DEPDC1: variants seen among roughly 807,000 people sequenced by gnomAD.
The protein encoded by DEPDC1 is DEP domain-containing protein 1A.
A neutral mutation model predicts 86.8 loss-of-function variants in DEPDC1; 66 were observed. The observed-to-expected ratio is 0.76, with a 90% CI of 0.62 to 0.93. DEPDC1 has a LOEUF of 0.93. Ranked by LOEUF, DEPDC1 falls within the 40% of genes least tolerant of loss-of-function variation. The pLI, the probability that DEPDC1 is intolerant of heterozygous loss-of-function variation, is 0.00. For missense variants in DEPDC1, 792 were observed against 935.7 expected (o/e 0.85, Z 2.00); for synonymous variants, 255 against 314.9 (o/e 0.81, Z 2.02).
rs114444185 is a variant in DEPDC1 at position 68,496,144 on chromosome 1, T to C, written c.48+808A>G. Among the ~76,000 whole-genome samples the C allele has an allele frequency of 0.011, 1,643 of 152,330 alleles. 27 individuals carry two copies. The highest frequency in any genetic ancestry group is 0.038 in the African/African-American group (1,570 of 41,578). ...TGTGCACCTGATAAAGTAGGGCTAA[T>C]AATACATGCTCGTCTGAAGGGCATT... On this transcript the variant is annotated intron_variant, in intron 1 of 11. Coordinates refer to ENST00000456315, the MANE Select transcript of DEPDC1 (RefSeq NM_001114120.3). The surrounding 1 kb of genome is among the most constrained non-coding windows in gnomAD (Gnocchi z 4.0).
At chr1:68,494,035 C>T (rs1286628013) in intron 2 of DEPDC1, among the ~76,000 whole-genome samples, 1 of 152,104 alleles carries the variant, frequency 6.6e-6, no homozygotes, top group African/African-American at 2.4e-5. Flanking sequence ...GTAAGATTTG[C>T]TATTATCCTA....
intron 2 of DEPDC1, among the ~76,000 whole-genome samples, chr1:68,491,461 G>A (rs1322575220): frequency 6.6e-6 from 1 of 152,098 alleles, no homozygotes; most frequent in African/African-American, 2.4e-5. Context: ...AAACTATAAT[G>A]AGATACCATC....
At chr1:68,487,803 C>T (rs1478036535) in intron 5 of DEPDC1, among the ~76,000 whole-genome samples, 2 of 151,874 alleles carry the variant, frequency 1.3e-5, no homozygotes, top group African/African-American at 4.8e-5. Flanking sequence ...TTTTCTAATA[C>T]ATCTATCTAG....
intron 10 of DEPDC1, 22 bp from the exon 11 acceptor site, chr1:68,477,994 A>C: frequency 6.8e-7 from 1 of 1,469,580 alleles, no homozygotes; most frequent in Non-Finnish European, 9.1e-7. Flanking sequence ...AAAATGATAT[A>C]ACTCTGTTAA....
Position 68,494,415 on chromosome 1 carries a change from A to G in DEPDC1, c.314+15T>C, listed in dbSNP as rs575099880. The G allele has an allele frequency of 3.1e-5, 50 of 1,606,174 alleles. No individual in the cohort carries two copies. Among genetic ancestry groups the G allele is most frequent in the East Asian group, 2.7e-4 (12 of 44,722 alleles). On this transcript the variant is annotated intron_variant, in intron 2 of 11. Transcript: ENST00000456315. ...TACAGTAATTCAGTTTTACAGTTAC[A>G]TATCTGTTCATTACCTGAAGAGCTG... is the stretch of plus-strand genomic sequence containing the variant.
At chr1:68,483,389 A>G (rs1459668218) in intron 7 of DEPDC1, 1 of 487,926 alleles carries the variant, frequency 2.0e-6, no homozygotes, top group Non-Finnish European at 4.0e-6. Flanking sequence ...AGGGCCGGCC[A>G]TGGTTTGAAT....
At chr1:68,480,520 T>C (rs1005381512) in intron 9 of DEPDC1, among the ~76,000 whole-genome samples, 1 of 151,936 alleles carries the variant, frequency 6.6e-6, no homozygotes, top group African/African-American at 2.4e-5. Flanking sequence ...AATGACCAAA[T>C]CAATTTGCAT....
rs1397895738 is a variant in DEPDC1 at position 68,474,964 on chromosome 1, GT to G, written c.*1967del. On this transcript the variant is annotated 3_prime_UTR_variant, in exon 12 of 12. Coordinates refer to ENST00000456315, the MANE Select transcript of DEPDC1 (RefSeq NM_001114120.3). ...CACATTTTTGCTAAGATCTCTTCTA[GT>G]GCTATAATCCTAGGTGATTCTAGTA... 1.3e-5 allele frequency: 2 copies of G among 152,048 alleles called. No individual in the cohort carries two copies. The highest frequency in any genetic ancestry group is 1.3e-4 in the Admixed American group (2 of 15,248). 9.4% of individuals were successfully genotyped at this position (152,048 alleles called of 1,614,324 possible).
At position 68,482,784 on chromosome 1, in the gene DEPDC1, T is replaced by C. The variant is rs750552604; in HGVS notation, c.1024A>G (p.Thr342Ala). The change falls in exon 8 of 12, where the codon ACT (threonine) becomes GCT (alanine). Residue 342 changes from threonine (T) to alanine (A), a missense_variant. Physicochemically the swap from Thr to Ala is moderately conservative, Grantham distance 58. Coordinates refer to ENST00000456315, the MANE Select transcript of DEPDC1 (RefSeq NM_001114120.3). ...AGCAGACTGAGAAGAAGGCACTCAGTTGATTTGAAGGAATTCAAATTGTTT... is the reference window on the plus strand; with the variant it reads ...AGCAGACTGAGAAGAAGGCACTCAGCTGATTTGAAGGAATTCAAATTGTTT... ...HLNNLNSFKSTECLLLSLLHR... is the reference protein window; with the variant it reads ...HLNNLNSFKSAECLLLSLLHR... 2.7e-5 allele frequency: 44 copies of C among 1,612,502 alleles called. No individual in the cohort carries two copies. The highest frequency in any genetic ancestry group is 3.3e-5 in the Non-Finnish European group (39 of 1,179,206).
At position 68,482,405 on chromosome 1, in the gene DEPDC1, T is replaced by G. The variant is rs1248736508; in HGVS notation, c.1403A>C (p.Asn468Thr). The change falls in exon 8 of 12, where the codon AAT becomes ACT. Residue 468 changes from asparagine (N) to threonine (T), a missense_variant. Asn to Thr is a moderately conservative substitution (Grantham distance 65). Coordinates refer to ENST00000456315, the MANE Select transcript of DEPDC1 (RefSeq NM_001114120.3). ...TTGAATATTTTCCTCTGAATGAAGA[T>G]TCAACAGGAATTCCTGTTTGGGCTT... ...ESKPKQEFLL[N>T]LHSEENIQKP... The G allele has an allele frequency of 3.1e-6, 5 of 1,612,696 alleles. No homozygotes were observed.
At chr1:68,491,928 T>A (rs1646231766) in intron 2 of DEPDC1, among the ~76,000 whole-genome samples, 1 of 151,512 alleles carries the variant, frequency 6.6e-6, no homozygotes, top group African/African-American at 2.4e-5. Flanking sequence ...TAATTTTTTT[T>A]TTTTTTTTTG....
chr1:68,494,408 C>A (rs1646249849), intron 2 of DEPDC1, 22 bp downstream of exon 2: 1 of 1,591,920 alleles, frequency 6.3e-7, no homozygotes, highest in African/African-American at 1.3e-5. Context: ...TTCAGTTTTA[C>A]AGTTACATAT....
At chr1:68,478,082 T>A in intron 10 of DEPDC1, 110 bp from the exon 11 acceptor site, 1 of 768,858 alleles carries the variant, frequency 1.3e-6, no homozygotes, top group Non-Finnish European at 1.9e-6. Context: ...AATCAAACAT[T>A]CAGCCATTAA....
chr1:68,478,774 C>T (rs1646134124), intron 10 of DEPDC1, among the ~76,000 whole-genome samples: 1 of 151,990 alleles, frequency 6.6e-6, no homozygotes, highest in South Asian at 2.1e-4. Flanking sequence ...CTCTTAACAA[C>T]CTAAACGATG....
At chr1:68,481,691 A>C in intron 8 of DEPDC1, 79 bp from the exon 9 acceptor site, 1 of 1,117,358 alleles carries the variant, frequency 8.9e-7, no homozygotes, top group Non-Finnish European at 1.2e-6. Flanking sequence ...CAGCTATATA[A>C]AGAAGGTAAA....
chr1:68,480,082 C>T (rs1398675570), intron 9 of DEPDC1, among the ~76,000 whole-genome samples: 1 of 151,944 alleles, frequency 6.6e-6, no homozygotes, highest in Non-Finnish European at 1.5e-5. Context: ...TTTTGAAATG[C>T]TGGAAAATAG....
At chr1:68,486,250 G>A (rs767728117) in intron 6 of DEPDC1, among the ~76,000 whole-genome samples, 1 of 151,964 alleles carries the variant, frequency 6.6e-6, no homozygotes, top group East Asian at 1.9e-4. Context: ...TTGTGATACT[G>A]AGTGAGTTAT....
chr1:68,480,280 A>G (rs578064556), intron 9 of DEPDC1, among the ~76,000 whole-genome samples: 90 of 151,572 alleles, frequency 5.9e-4, no homozygotes, highest in Non-Finnish European at 8.7e-4. Context: ...ACACACACAC[A>G]CACCCCTCAT....
Position 68,476,976 on chromosome 1 carries a change from G to T in DEPDC1, c.2392C>A (p.Pro798Thr). 6.2e-7 allele frequency: 1 copy of T among 1,604,758 alleles called. No individual in the cohort carries two copies. Among genetic ancestry groups the T allele is most frequent in the Non-Finnish European group, 8.5e-7 (1 of 1,175,948 alleles). ...TTTGGTTTTCTTAAAATCAGCATTG[G>T]TTGCTTGATTGTAGGTTTGTCACCA... ...LFGDKPTIKQ[P>T]MLILRKPKFR... The change falls in exon 12 of 12, where the codon CCA (proline) becomes ACA (threonine). Residue 798 changes from proline to threonine, a missense_variant. Physicochemically the swap from Pro to Thr is conservative, Grantham distance 38 (BLOSUM62 -1). Transcript: ENST00000456315.
Sources: allele counts gnomAD v4.1 joint callset (sites outside exome capture counted in the v4.1 genomes callset), GRCh38; gene constraint gnomAD v4.1.1; non-coding constraint Gnocchi (gnomAD v3.1); transcripts MANE v1.5; gene names NCBI Gene and HGNC (gene_info 2026-07-23, HGNC 2026-07-21).